SGCZ: variants seen among roughly 807,000 people sequenced by gnomAD.
SGCZ encodes zeta-sarcoglycan.
SGCZ carries 40 observed loss-of-function variants against 41.3 expected under a neutral mutation model. That is an observed-to-expected ratio of 0.97 (90% CI 0.75 to 1.26). SGCZ has a LOEUF of 1.26. SGCZ is among the 50% of genes most tolerant of loss of function. The probability of loss-of-function intolerance (pLI) is 0.00; values close to 1 mark genes in which losing one functional copy is unlikely to be tolerated. For synonymous variants in SGCZ, 206 were observed against 137.5 expected (o/e 1.50, Z -3.49); for missense variants, 552 against 369.8 (o/e 1.49, Z -4.04).
At chr8:14,881,974 C>G (rs1804606333) in intron 1 of SGCZ, among the ~76,000 whole-genome samples, 2 of 152,176 alleles carry the variant, frequency 1.3e-5, no homozygotes, top group African/African-American at 4.8e-5. Context: ...TCCTGAATGA[C>G]TCCTGGGTAA....
At chr8:14,442,903 A>G (rs1800314684) in intron 2 of SGCZ, among the ~76,000 whole-genome samples, 1 of 152,204 alleles carries the variant, frequency 6.6e-6, no homozygotes, top group Non-Finnish European at 1.5e-5. Context: ...TTGTATATCT[A>G]GAAAACCCCA....
intron 1 of SGCZ, among the ~76,000 whole-genome samples, chr8:15,226,411 A>G (rs1024301980): frequency 6.6e-6 from 1 of 152,216 alleles, no homozygotes; most frequent in Admixed American, 6.5e-5. Context: ...GAAAATCAAA[A>G]TTGATCATTA....
intron 3 of SGCZ, among the ~76,000 whole-genome samples, chr8:14,302,641 G>A (rs996995235): frequency 2.0e-5 from 3 of 152,026 alleles, no homozygotes; most frequent in African/African-American, 4.8e-5. Flanking sequence ...ATGATTTACT[G>A]AGATTTAATA....
intron 4 of SGCZ, among the ~76,000 whole-genome samples, chr8:14,177,576 C>G (rs2117013943): frequency 6.6e-6 from 1 of 152,192 alleles, no homozygotes; most frequent in East Asian, 1.9e-4. Context: ...GTGGCGCCAT[C>G]TGGGCTCACT....
chr8:15,146,816 T>C (rs972913751), intron 1 of SGCZ, among the ~76,000 whole-genome samples: 2 of 152,202 alleles, frequency 1.3e-5, no homozygotes, highest in Non-Finnish European at 2.9e-5. Context: ...TTCTTCAATA[T>C]CTTTTTATTA....
chr8:14,431,887 T>G (rs1799952146), intron 2 of SGCZ, among the ~76,000 whole-genome samples: 1 of 152,122 alleles, frequency 6.6e-6, no homozygotes, highest in Admixed American at 6.5e-5. Flanking sequence ...TACACAGTTC[T>G]TAAAAGAAGA....
At chr8:14,345,455 C>A (rs1463323808) in intron 2 of SGCZ, among the ~76,000 whole-genome samples, 3 of 152,078 alleles carry the variant, frequency 2.0e-5, no homozygotes, top group African/African-American at 7.2e-5. Context: ...ATGTTTCTTA[C>A]AAATGGCAAA....
At chr8:14,293,219 G>A (rs10441665) in intron 3 of SGCZ, among the ~76,000 whole-genome samples, 7,386 of 152,016 alleles carry the variant, frequency 0.049, 191 homozygotes, top group Middle Eastern at 0.11. Context: ...TAACAAAGAT[G>A]ACAGAAAAAT....
At chr8:14,767,129 T>A (rs1800061297) in intron 1 of SGCZ, among the ~76,000 whole-genome samples, 1 of 152,172 alleles carries the variant, frequency 6.6e-6, no homozygotes, top group Non-Finnish European at 1.5e-5. Flanking sequence ...ATATTCAGAA[T>A]CGGGGCTAGG....
chr8:14,214,679 T>C (rs1424581759), intron 4 of SGCZ, among the ~76,000 whole-genome samples: 2 of 150,210 alleles, frequency 1.3e-5, no homozygotes, highest in African/African-American at 4.8e-5. Flanking sequence ...ATGGAAAATG[T>C]GTACCATGCT....
chr8:14,815,094 A>C (rs1344063758), intron 1 of SGCZ, among the ~76,000 whole-genome samples: 2 of 152,198 alleles, frequency 1.3e-5, no homozygotes, highest in African/African-American at 4.8e-5. Context: ...CCAACATGAC[A>C]TCCTGTCAAA....
chr8:14,493,210 T>A (rs938381554), intron 2 of SGCZ, among the ~76,000 whole-genome samples: 1 of 151,946 alleles, frequency 6.6e-6, no homozygotes, highest in Admixed American at 6.6e-5. Context: ...ACAAAATCTG[T>A]TCTTTGTATT....
At chr8:14,988,712 T>C (rs56206522) in intron 1 of SGCZ, among the ~76,000 whole-genome samples, 2,117 of 152,252 alleles carry the variant, frequency 0.014, 24 homozygotes, top group Middle Eastern at 0.037. Context: ...CAATACATCT[T>C]AATAGAAATG....
chr8:14,540,856 T>G (rs11203624), intron 2 of SGCZ, among the ~76,000 whole-genome samples: 41,588 of 151,612 alleles, frequency 0.27, 7,208 homozygotes, highest in Non-Finnish European at 0.39. Context: ...ATTTTGGAGA[T>G]TTTCTTATTC....
At chr8:14,741,995 G>T (rs944444688) in intron 1 of SGCZ, among the ~76,000 whole-genome samples, 3 of 151,840 alleles carry the variant, frequency 2.0e-5, no homozygotes, top group African/African-American at 4.8e-5. Flanking sequence ...TGACAATAAA[G>T]CATAATTATT....
At chr8:14,954,113 T>C (rs1317214098) in intron 1 of SGCZ, among the ~76,000 whole-genome samples, 4 of 152,226 alleles carry the variant, frequency 2.6e-5, no homozygotes, top group Non-Finnish European at 5.9e-5. Context: ...AATAACTTCA[T>C]TCTATCAGAT....
intron 1 of SGCZ, among the ~76,000 whole-genome samples, chr8:15,220,577 A>G (rs1042533480): frequency 6.6e-6 from 1 of 152,154 alleles, no homozygotes; most frequent in Admixed American, 6.5e-5. Context: ...TACATAAACT[A>G]GTTCAACCAT....
chr8:15,118,327 G>C (rs1489055899), intron 1 of SGCZ, among the ~76,000 whole-genome samples: 2 of 152,062 alleles, frequency 1.3e-5, no homozygotes, highest in Admixed American at 6.6e-5. Context: ...AAAAAGTCTT[G>C]GAACTTCCAG....
chr8:14,803,318 G>A (rs2466922), intron 1 of SGCZ, among the ~76,000 whole-genome samples: 18 of 152,036 alleles, frequency 1.2e-4, no homozygotes, highest in African/African-American at 3.6e-4. Context: ...CTGAGGTACC[G>A]GATTCATCTC....
Sources: allele counts gnomAD v4.1 joint callset (sites outside exome capture counted in the v4.1 genomes callset), GRCh38; gene constraint gnomAD v4.1.1; transcripts MANE v1.5; gene names NCBI Gene and HGNC (gene_info 2026-07-23, HGNC 2026-07-21).